The following MSN variants were observed in gnomAD, a reference collection of about 807,000 sequenced individuals.
MSN encodes moesin.
In MSN, 2 loss-of-function variants were observed where a neutral mutation model predicts 48.0. That is an observed-to-expected ratio of 0.04 (90% confidence interval 0.02 to 0.13). The LOEUF (loss-of-function observed/expected upper bound fraction) is 0.13. Among genes scored for constraint, MSN ranks in the 10% least tolerant of loss-of-function variants. The probability of loss-of-function intolerance (pLI) is 1.00; values close to 1 mark genes in which losing one functional copy is unlikely to be tolerated. For missense variants in MSN, 267 were observed against 470.1 expected, an observed-to-expected ratio of 0.57 and a Z score of 3.99; for synonymous variants, 146 against 166.9, an observed-to-expected ratio of 0.87 and a Z score of 0.97.
chrX:65,737,584 A>G (rs985822328), intron 10 of MSN, among the ~76,000 whole-genome samples: 1 of 111,790 alleles, frequency 8.9e-6, no homozygotes, highest in African/African-American at 3.3e-5. Context: ...GAGCTGATTG[A>G]CCTGGCAAAG....
chrX:65,700,409 C>G (rs984836162), intron 1 of MSN, among the ~76,000 whole-genome samples: 1 of 112,101 alleles, frequency 8.9e-6, no homozygotes. Flanking sequence ...CCCTGCCTCA[C>G]TCCAGCCTCT....
chrX:65,734,626 C>A (rs1369193735), intron 7 of MSN, among the ~76,000 whole-genome samples: 6 of 111,918 alleles, frequency 5.4e-5, no homozygotes, highest in Non-Finnish European at 7.5e-5. Context: ...TGTGTGTTTT[C>A]TTTTATTGCT....
At chrX:65,594,067 A>T (rs1251357655) in intron 1 of MSN, among the ~76,000 whole-genome samples, 1 of 111,665 alleles carries the variant, frequency 9.0e-6, no homozygotes, top group East Asian at 2.8e-4. Flanking sequence ...CCGTTTAAGG[A>T]ACACTGAGAG....
chrX:65,735,253 T>C lies in MSN; in HGVS notation c.796-14T>C. ...GTCCCTCCAAATTCTTTCTGATTGCTGATTTCCCACCAGGACTTCGTCTTC... is the reference window on the plus strand; with the variant it reads ...GTCCCTCCAAATTCTTTCTGATTGCCGATTTCCCACCAGGACTTCGTCTTC... On this transcript the variant is annotated splice_polypyrimidine_tract_variant and intron_variant, in intron 7 of 12. Transcript: ENST00000360270. 1 of 1,207,644 alleles carries C rather than the reference T, an allele frequency of 8.3e-7. No homozygotes were observed. Among genetic ancestry groups the C allele is most frequent in the South Asian group, 1.8e-5 (1 of 56,643 alleles).
intron 1 of MSN, among the ~76,000 whole-genome samples, chrX:65,661,729 C>A (rs1335731224): frequency 1.8e-5 from 2 of 111,911 alleles, no homozygotes; most frequent in African/African-American, 6.5e-5. Context: ...TTTACCATAG[C>A]CACAAAGAGA....
intron 1 of MSN, among the ~76,000 whole-genome samples, chrX:65,637,510 C>T (rs1328054691): frequency 2.7e-5 from 3 of 110,967 alleles, no homozygotes; most frequent in Non-Finnish European, 3.8e-5. Context: ...CTGACTTAAT[C>T]TCCTACTATT....
intron 1 of MSN, among the ~76,000 whole-genome samples, chrX:65,675,403 A>G (rs1480567699): frequency 9.0e-6 from 1 of 111,015 alleles, no homozygotes; most frequent in Non-Finnish European, 1.9e-5. Flanking sequence ...TGGGAAAGTG[A>G]TGTGTTTTTG....
Position 65,733,285 on chromosome X carries a change from G to A in MSN, c.795+5G>A. ...CCCATTGACAAAAAAGCCCCGGTGA[G>A]TGATTCCTCCCTCTGACCAAGACAG... On this transcript the variant is annotated splice_donor_5th_base_variant and intron_variant, in intron 7 of 12. Coordinates refer to ENST00000360270, the MANE Select transcript of MSN (RefSeq NM_002444.3). 1 of 1,189,141 alleles carries A rather than the reference G, an allele frequency of 8.4e-7. No homozygotes were observed. Among genetic ancestry groups the A allele is most frequent in the Non-Finnish European group, 1.1e-6 (1 of 874,711 alleles).
At chrX:65,648,602 G>A (rs1272837018) in intron 1 of MSN, among the ~76,000 whole-genome samples, 1 of 110,384 alleles carries the variant, frequency 9.1e-6, no homozygotes, top group Non-Finnish European at 1.9e-5. Context: ...ACTGGACGTG[G>A]TGGCCCACGC....
intron 9 of MSN, 83 bp from the exon 10 acceptor site, chrX:65,737,095 G>T (rs772587082): frequency 8.8e-7 from 1 of 1,142,119 alleles, no homozygotes; most frequent in East Asian, 3.0e-5. Context: ...TTGTCTTGGG[G>T]TGGATCATTT....
intron 1 of MSN, among the ~76,000 whole-genome samples, chrX:65,650,806 G>T (rs1326869236): frequency 8.9e-6 from 1 of 112,257 alleles, no homozygotes; most frequent in Non-Finnish European, 1.9e-5. Context: ...CAGCAGGGCT[G>T]AGTTCCTTCT....
At chrX:65,732,014 A>T (rs750568198) in intron 6 of MSN, 30 bp downstream of exon 6, 52 of 1,187,791 alleles carry the variant, frequency 4.4e-5, no homozygotes, top group Non-Finnish European at 5.7e-5. Flanking sequence ...TAGTTTATTT[A>T]GGTCACGTTA....
chrX:65,715,749 T>C (rs1467512185), intron 1 of MSN, among the ~76,000 whole-genome samples: 2 of 111,896 alleles, frequency 1.8e-5, no homozygotes, highest in African/African-American at 3.3e-5. Context: ...ATTTTCTAGA[T>C]ATAGGATCAT....
At chrX:65,641,550 GTATATATA>G (rs1168302693) in intron 1 of MSN, among the ~76,000 whole-genome samples, 422 of 15,362 alleles carry the variant, frequency 0.027, 19 homozygotes, top group Middle Eastern at 0.17. Context: ...AAAAAGTGAA[GTATATATA>G]TATATATATA....
At chrX:65,670,615 C>G (rs916303428) in intron 1 of MSN, among the ~76,000 whole-genome samples, 3 of 108,048 alleles carry the variant, frequency 2.8e-5, no homozygotes, top group Non-Finnish European at 5.7e-5. Context: ...CCCAGCTACT[C>G]GGGAAGCTGA....
chrX:65,590,927 G>A (rs2070142033), intron 1 of MSN, among the ~76,000 whole-genome samples: 1 of 111,311 alleles, frequency 9.0e-6, no homozygotes, highest in Non-Finnish European at 1.9e-5. Context: ...TCTTTGCCTG[G>A]ACCATTTCCT....
intron 1 of MSN, among the ~76,000 whole-genome samples, chrX:65,614,157 G>A (rs369939354): frequency 7.2e-5 from 8 of 111,354 alleles, no homozygotes; most frequent in Non-Finnish European, 1.5e-4. Context: ...TTTTTGTCAG[G>A]TTTGTCAAAG....
chrX:65,594,054 T>A (rs139839574), intron 1 of MSN, among the ~76,000 whole-genome samples: 187 of 110,868 alleles, frequency 1.7e-3, no homozygotes, highest in African/African-American at 5.8e-3. Flanking sequence ...GGCAGAGAGG[T>A]TTCCGTTTAA....
chrX:65,619,042 C>G (rs1190267583), intron 1 of MSN, among the ~76,000 whole-genome samples: 1 of 100,050 alleles, frequency 1.0e-5, no homozygotes, highest in African/African-American at 3.8e-5. Flanking sequence ...GGCCCCCACT[C>G]TCTTCTGGCT....
Sources: gnomAD v4.1 joint callset for allele counts (sites outside exome capture counted in the v4.1 genomes callset) on GRCh38, gnomAD v4.1.1 for gene constraint, MANE v1.5 for transcripts, NCBI Gene and HGNC (gene_info 2026-07-23, HGNC 2026-07-21) for gene names.